TRABD2B: variants seen among roughly 807,000 people sequenced by gnomAD.
TRABD2B encodes the protein metalloprotease TIKI2.
TRABD2B carries 14 observed loss-of-function variants against 40.1 expected under a neutral mutation model. That is an observed-to-expected ratio of 0.35 (90% CI 0.23 to 0.55). The LOEUF is 0.55. TRABD2B is among the 20% of genes least tolerant of loss of function. The pLI, the probability that TRABD2B is intolerant of heterozygous loss-of-function variation, is 0.90. For missense variants in TRABD2B, 541 were observed against 648.6 expected (o/e 0.83, Z 1.80); for synonymous variants, 263 against 277.0 (o/e 0.95, Z 0.50).
intron 2 of TRABD2B, among the ~76,000 whole-genome samples, chr1:47,969,433 T>C (rs770990707): frequency 6.6e-6 from 1 of 152,188 alleles, no homozygotes; most frequent in Non-Finnish European, 1.5e-5. Flanking sequence ...AAGGGCTCAG[T>C]TAAGCAGTGA....
At chr1:47,795,104 A>C (rs979387384) in intron 3 of TRABD2B, among the ~76,000 whole-genome samples, 5 of 152,204 alleles carry the variant, frequency 3.3e-5, no homozygotes, top group Admixed American at 6.5e-5. Flanking sequence ...AGGTGGACTT[A>C]GGATAAGTAT....
At chr1:47,868,989 G>A (rs772188877) in intron 2 of TRABD2B, among the ~76,000 whole-genome samples, 11 of 152,140 alleles carry the variant, frequency 7.2e-5, no homozygotes, top group Non-Finnish European at 1.0e-4. Flanking sequence ...TCACGCAGCA[G>A]TTAGAGAAAG....
chr1:47,994,210 C>G lies in TRABD2B; in HGVS notation c.490G>C (p.Val164Leu), dbSNP rs770750292. 3 of 1,546,030 alleles carry G rather than the reference C, an allele frequency of 1.9e-6. No homozygotes were observed. The highest frequency in any genetic ancestry group is 1.4e-5 in the African/African-American group (1 of 73,460). ...IAGNWERKRP[V>L]WVMLMVNSLT... ...GAGTTTACCATGAGCATCACCCAGA[C>G]GGGCCTCTTGCGCTCCCAGTTGCCC... The change falls in exon 2 of 7, where the codon GTC becomes CTC. Residue 164 changes from valine (V) to leucine (L), a missense_variant. Physicochemically the swap from Val to Leu is conservative, Grantham distance 32 (BLOSUM62 1). This residue lies in a region of TRABD2B where 369 missense variants were observed against 492.8 expected (regional missense o/e 0.75). Transcript: ENST00000606738. This position sits in a 1 kb window ranked among gnomAD's most constrained non-coding sequence, Gnocchi z 6.7.
chr1:47,800,501 G>A (rs887972691), intron 3 of TRABD2B, among the ~76,000 whole-genome samples: 10 of 152,298 alleles, frequency 6.6e-5, no homozygotes, highest in Non-Finnish European at 1.3e-4. Context: ...GGAGGGGAGA[G>A]CAGAAAGTGA....
intron 2 of TRABD2B, among the ~76,000 whole-genome samples, chr1:47,849,063 G>C (rs1051341499): frequency 6.6e-6 from 1 of 152,190 alleles, no homozygotes; most frequent in African/African-American, 2.4e-5. Flanking sequence ...GTACAGCTGA[G>C]AAAATAATTG....
chr1:47,807,940 T>A (rs1412829682), intron 2 of TRABD2B, among the ~76,000 whole-genome samples: 1 of 152,194 alleles, frequency 6.6e-6, no homozygotes, highest in Non-Finnish European at 1.5e-5. Context: ...GGAGCCCAAC[T>A]GAGAAGGGGT....
chr1:47,842,877 T>G (rs1645418036), intron 2 of TRABD2B, among the ~76,000 whole-genome samples: 1 of 151,930 alleles, frequency 6.6e-6, no homozygotes, highest in South Asian at 2.1e-4. Flanking sequence ...GTAAGGGAGG[T>G]GGCAGGAGCT....
At chr1:47,975,404 A>T (rs532137446) in intron 2 of TRABD2B, among the ~76,000 whole-genome samples, 1 of 152,332 alleles carries the variant, frequency 6.6e-6, no homozygotes, top group South Asian at 2.1e-4. Context: ...CACAGGGTTT[A>T]GCATGATACT....
chr1:47,986,474 A>G (rs1238574555), intron 2 of TRABD2B, among the ~76,000 whole-genome samples: 1 of 152,228 alleles, frequency 6.6e-6, no homozygotes, highest in African/African-American at 2.4e-5. Context: ...TCAGAAGAGA[A>G]AAGACTGCCT....
chr1:47,764,855 C>T lies in TRABD2B; in HGVS notation c.*1047G>A, dbSNP rs1401667133. The T allele has an allele frequency of 6.6e-6, 1 of 152,228 alleles. No homozygotes were observed. Among genetic ancestry groups the T allele is most frequent in the Non-Finnish European group, 1.5e-5 (1 of 68,064 alleles). The allele number at this position is 152,228 out of a possible 1,614,324, so 9.4% of individuals were successfully genotyped here. The stretch of plus-strand genomic sequence containing the variant: ...TTCGCCTCTTTGGGGGGCTCAGTTT[C>T]CTCATCTGTGAAATGGGGATAGTCA... On this transcript the variant is annotated 3_prime_UTR_variant, in exon 7 of 7. Transcript: ENST00000606738.
intron 2 of TRABD2B, among the ~76,000 whole-genome samples, chr1:47,844,665 T>A (rs1370328961): frequency 6.6e-6 from 1 of 151,920 alleles, no homozygotes; most frequent in African/African-American, 2.4e-5. Flanking sequence ...AAGCATAAAG[T>A]GATGTGAGTC....
chr1:47,931,197 G>A (rs17459747), intron 2 of TRABD2B, among the ~76,000 whole-genome samples: 3 of 152,312 alleles, frequency 2.0e-5, no homozygotes, highest in South Asian at 4.1e-4. Flanking sequence ...CACTTGTCCT[G>A]TACAGGCTTT....
At chr1:47,960,962 T>C (rs1007521821) in intron 2 of TRABD2B, among the ~76,000 whole-genome samples, 6 of 152,036 alleles carry the variant, frequency 3.9e-5, no homozygotes, top group Non-Finnish European at 7.4e-5. Context: ...CTTCAAACTA[T>C]ACTACAAGGC....
chr1:47,854,918 T>G lies in TRABD2B; in HGVS notation c.667-53299A>C, dbSNP rs551354267. On this transcript the variant is annotated intron_variant, in intron 2 of 6. Transcript: ENST00000606738. ...AAGTTTGGAGCTCACATTTTTCAAG[T>G]GAATAGCTGTGTGATGTAGGGCAAG... is the stretch of plus-strand genomic sequence containing the variant. Among the ~76,000 whole-genome samples, 10 of 152,268 alleles carry G rather than the reference T, an allele frequency of 6.6e-5. No individual in the cohort carries two copies. In the South Asian group the frequency reaches 2.1e-3, roughly 32 times the overall value.
At chr1:47,789,862 C>G (rs1426854565) in intron 4 of TRABD2B, among the ~76,000 whole-genome samples, 1 of 151,960 alleles carries the variant, frequency 6.6e-6, no homozygotes, top group Non-Finnish European at 1.5e-5. Context: ...TTTCCCCCCT[C>G]TCTCCTGTAT....
chr1:47,970,402 C>T (rs1645664465), intron 2 of TRABD2B, among the ~76,000 whole-genome samples: 1 of 152,118 alleles, frequency 6.6e-6, no homozygotes. Context: ...TTCAATGCCT[C>T]CCACTGCTTA....
chr1:47,907,264 A>C (rs1489151053), intron 2 of TRABD2B, among the ~76,000 whole-genome samples: 1 of 152,204 alleles, frequency 6.6e-6, no homozygotes, highest in African/African-American at 2.4e-5. Flanking sequence ...CTGGGCTACT[A>C]ACATGGCTTT....
rs549564243 is a variant in TRABD2B at position 47,902,173 on chromosome 1, C to T, written c.666+91861G>A. ...GTCTTTACCAAGAGTTTACATGGGA[C>T]ACGTGATGTGCTCACTGCTTTCTCA... On this transcript the variant is annotated intron_variant, in intron 2 of 6. Transcript: ENST00000606738. Among the ~76,000 whole-genome samples, 3 of 152,320 alleles carry T rather than the reference C, an allele frequency of 2.0e-5. No homozygotes were observed. The East Asian group carries it at 5.8e-4, about 29-fold the overall frequency.
chr1:47,903,804 A>C (rs1470057657), intron 2 of TRABD2B, among the ~76,000 whole-genome samples: 3 of 152,296 alleles, frequency 2.0e-5, no homozygotes, highest in Middle Eastern at 3.4e-3. Context: ...TTAAGCTAAA[A>C]ACTTAACACC....
Sources: gnomAD v4.1 joint callset for allele counts (sites outside exome capture counted in the v4.1 genomes callset) on GRCh38, gnomAD v4.1.1 for gene constraint, gnomAD v4.1.1 regional missense constraint, Gnocchi (gnomAD v3.1) non-coding constraint, MANE v1.5 for transcripts, NCBI Gene and HGNC (gene_info 2026-07-23, HGNC 2026-07-21) for gene names.